NARS2: variants seen among roughly 807,000 people sequenced by gnomAD.
The protein encoded by NARS2 is asparaginyl-tRNA synthetase.
In NARS2, 60 loss-of-function variants were observed where a neutral mutation model predicts 62.9. That is an observed-to-expected ratio of 0.95 (90% confidence interval 0.77 to 1.18). The LOEUF (loss-of-function observed/expected upper bound fraction) is 1.18. Ranked by LOEUF, NARS2 falls within the 50% of genes most tolerant of loss-of-function variation. The pLI is 0.00. For synonymous variants in NARS2, 196 were observed against 200.0 expected (o/e 0.98, Z 0.17); for missense variants, 619 against 576.4 (o/e 1.07, Z -0.76).
intron 4 of NARS2, among the ~76,000 whole-genome samples, chr11:78,563,850 AAAT>A (rs1856643011): frequency 2.5e-5 from 1 of 40,550 alleles, no homozygotes; most frequent in African/African-American, 1.1e-4. Context: ...AAAAAAAAAA[AAAT>A]ATATATATAT....
chr11:78,539,600 T>C (rs1565268623), intron 5 of NARS2, among the ~76,000 whole-genome samples: 1 of 152,234 alleles, frequency 6.6e-6, no homozygotes, highest in Non-Finnish European at 1.5e-5. Context: ...AGTTTGGGAC[T>C]GCAGATAAAC....
At chr11:78,574,077 G>C (rs1857025284) in intron 1 of NARS2, among the ~76,000 whole-genome samples, 1 of 152,150 alleles carries the variant, frequency 6.6e-6, no homozygotes, top group Admixed American at 6.5e-5. Flanking sequence ...TAGAGAAAGG[G>C]GGCTTGTTCA....
rs781116865 is a variant in NARS2 at position 78,528,923 on chromosome 11, A to C, written c.608T>G (p.Leu203Arg). The C allele has an allele frequency of 6.8e-6, 11 of 1,611,134 alleles. No individual in the cohort carries two copies. The African/African-American group carries it at 1.2e-4, about 18-fold the overall frequency. ...ELFQLEPSGKLKVPEENFFNV... is the reference protein window; with the variant it reads ...ELFQLEPSGKRKVPEENFFNV... ...GAAGAAATTCTCCTCAGGTACCTTA[A>C]GTTTGCCTGAAGGCTGCAAATCAAA... Residue 203 changes from leucine to arginine, a missense_variant, in exon 6 of 14, where the codon CTT becomes CGT. Leu to Arg is a moderately radical substitution (Grantham distance 102). Transcript: ENST00000281038.
intron 5 of NARS2, among the ~76,000 whole-genome samples, chr11:78,532,756 C>A (rs572629915): frequency 1.3e-5 from 2 of 152,258 alleles, no homozygotes; most frequent in East Asian, 1.9e-4. Flanking sequence ...CCAGCTCAGA[C>A]CAGATGGCGA....
intron 5 of NARS2, 132 bp downstream of exon 5, chr11:78,559,407 T>G: frequency 1.5e-6 from 1 of 650,994 alleles, no homozygotes; most frequent in South Asian, 1.9e-5. Context: ...TGTAAGTTTT[T>G]CAAGGATTTT....
At chr11:78,476,482 G>C (rs927333468) in intron 9 of NARS2, among the ~76,000 whole-genome samples, 3 of 152,188 alleles carry the variant, frequency 2.0e-5, no homozygotes, top group Admixed American at 6.5e-5. Context: ...GTCAAACTGA[G>C]ACCATTGCTC....
intron 5 of NARS2, among the ~76,000 whole-genome samples, chr11:78,545,255 TTC>T (rs1291060535): frequency 4.6e-5 from 7 of 152,168 alleles, no homozygotes; most frequent in East Asian, 1.9e-4. Flanking sequence ...GTTATGAAAA[TTC>T]TTTTTTACAA....
intron 10 of NARS2, among the ~76,000 whole-genome samples, chr11:78,466,269 C>G (rs1345698488): frequency 6.8e-6 from 1 of 146,154 alleles, no homozygotes; most frequent in Non-Finnish European, 1.5e-5. Flanking sequence ...TGCTCCCCCA[C>G]CCCCACCCCC....
intron 5 of NARS2, chr11:78,533,347 T>A (rs1428010507): frequency 1.3e-5 from 2 of 152,220 alleles, no homozygotes; most frequent in African/African-American, 4.8e-5. Flanking sequence ...TATTTGTGTA[T>A]ATTTGTGATT....
intron 13 of NARS2, among the ~76,000 whole-genome samples, chr11:78,439,956 T>C (rs1022608683): frequency 1.3e-5 from 2 of 152,356 alleles, no homozygotes; most frequent in Middle Eastern, 3.4e-3. Flanking sequence ...CCTAAGCAGC[T>C]TGGATTTCTA....
intron 5 of NARS2, among the ~76,000 whole-genome samples, chr11:78,548,507 A>G (rs1324722274): frequency 6.6e-6 from 1 of 152,256 alleles, no homozygotes; most frequent in Non-Finnish European, 1.5e-5. Context: ...TCTAGAATGC[A>G]CAACAGTTTA....
At chr11:78,467,562 TAAATA>T (rs1565217214) in intron 10 of NARS2, among the ~76,000 whole-genome samples, 7 of 150,438 alleles carry the variant, frequency 4.7e-5, no homozygotes, top group South Asian at 4.2e-4. Context: ...AATAAATAAA[TAAATA>T]AATTAATTAA....
intron 10 of NARS2, 75 bp from the exon 11 acceptor site, chr11:78,466,088 T>C: frequency 6.9e-7 from 1 of 1,457,882 alleles, no homozygotes; most frequent in Non-Finnish European, 9.2e-7. Flanking sequence ...GAAAATAACC[T>C]GCATCAATTC....
At chr11:78,460,683 G>A (rs928515674) in intron 11 of NARS2, among the ~76,000 whole-genome samples, 3 of 152,188 alleles carry the variant, frequency 2.0e-5, no homozygotes, top group Non-Finnish European at 4.4e-5. Context: ...AATATTGAAA[G>A]AAGATCAAAT....
chr11:78,502,660 TTTATC>T (rs899214104), intron 6 of NARS2, among the ~76,000 whole-genome samples: 1 of 152,062 alleles, frequency 6.6e-6, no homozygotes, highest in Non-Finnish European at 1.5e-5. Flanking sequence ...AATGGTAAAT[TTTATC>T]TTATGTGTAT....
intron 5 of NARS2, among the ~76,000 whole-genome samples, chr11:78,531,105 A>C (rs1861462199): frequency 1.3e-5 from 2 of 152,272 alleles, no homozygotes; most frequent in East Asian, 3.9e-4. Context: ...GTAGCTCCAA[A>C]GGACTGTCCT....
At chr11:78,556,328 A>G (rs1367462318) in intron 5 of NARS2, among the ~76,000 whole-genome samples, 1 of 152,188 alleles carries the variant, frequency 6.6e-6, no homozygotes, top group African/African-American at 2.4e-5. Context: ...GTAACACTAT[A>G]TCCTCAAATG....
chr11:78,498,460 T>C (rs1860148091), intron 6 of NARS2, among the ~76,000 whole-genome samples: 1 of 152,294 alleles, frequency 6.6e-6, no homozygotes, highest in East Asian at 1.9e-4. Context: ...CCTTATATGA[T>C]TTCCCTTGGC....
At chr11:78,555,992 G>T (rs954615581) in intron 5 of NARS2, among the ~76,000 whole-genome samples, 5 of 152,118 alleles carry the variant, frequency 3.3e-5, no homozygotes, top group Admixed American at 3.3e-4. Flanking sequence ...ATATGATTTT[G>T]AATGCTTTTG....
Sources: allele counts gnomAD v4.1 joint callset (sites outside exome capture counted in the v4.1 genomes callset), GRCh38; gene constraint gnomAD v4.1.1; transcripts MANE v1.5; gene names NCBI Gene and HGNC (gene_info 2026-07-23, HGNC 2026-07-21).